Variants in DENND1A observed in about 807,000 individuals in gnomAD.
DENND1A encodes the protein DENN domain containing 1A, also known as DENN domain-containing protein 1A.
Under a neutral mutation model 113.7 loss-of-function variants are expected in DENND1A, and 51 were observed. The observed-to-expected ratio is 0.45, with a 90% CI of 0.36 to 0.57. The LOEUF (loss-of-function observed/expected upper bound fraction) is 0.57, where lower values mean the gene tolerates loss of function less well. Among genes scored for constraint, DENND1A ranks in the 20% least tolerant of loss-of-function variants. The pLI, the probability that DENND1A is intolerant of heterozygous loss-of-function variation, is 0.00. For synonymous variants in DENND1A, 565 were observed against 570.8 expected, an observed-to-expected ratio of 0.99 and a Z score of 0.14; for missense variants, 1,258 against 1,395.9, an observed-to-expected ratio of 0.90 and a Z score of 1.57.
At chr9:123,928,277 A>C (rs565760314) in intron 1 of DENND1A, among the ~76,000 whole-genome samples, 125 of 152,336 alleles carry the variant, frequency 8.2e-4, no homozygotes, top group African/African-American at 2.9e-3. Flanking sequence ...ACTGGTTCTG[A>C]CACTCACTGC....
At chr9:123,412,430 C>T (rs2044379929) in intron 19 of DENND1A, among the ~76,000 whole-genome samples, 1 of 152,220 alleles carries the variant, frequency 6.6e-6, no homozygotes, top group Admixed American at 6.5e-5. Context: ...CTATGTGGGA[C>T]TCAGCGTGGG....
At chr9:123,482,526 C>A (rs559699647) in intron 13 of DENND1A, among the ~76,000 whole-genome samples, 11 of 152,214 alleles carry the variant, frequency 7.2e-5, no homozygotes, top group Non-Finnish European at 1.5e-4. Flanking sequence ...GGAAGCCTTT[C>A]CCAAATTTGT....
chr9:123,495,809 A>G (rs2051860415), intron 13 of DENND1A, among the ~76,000 whole-genome samples: 1 of 152,094 alleles, frequency 6.6e-6, no homozygotes. Context: ...TTAAAGCACT[A>G]TTTTCCTATT....
chr9:123,710,861 C>T (rs1260461509), intron 5 of DENND1A, among the ~76,000 whole-genome samples: 4 of 151,704 alleles, frequency 2.6e-5, no homozygotes, highest in Non-Finnish European at 5.9e-5. Context: ...TTAGTAGAGA[C>T]AGGGTTTCAC....
intron 1 of DENND1A, among the ~76,000 whole-genome samples, chr9:123,909,819 G>A (rs1853637855): frequency 1.3e-5 from 2 of 152,026 alleles, no homozygotes; most frequent in Admixed American, 1.3e-4. Flanking sequence ...TTAGAATTAA[G>A]TACATTTAGC....
At chr9:123,430,770 T>C (rs751257338) in intron 19 of DENND1A, among the ~76,000 whole-genome samples, 1 of 152,188 alleles carries the variant, frequency 6.6e-6, no homozygotes, top group Non-Finnish European at 1.5e-5. Flanking sequence ...CAAACCACCA[T>C]GGCACATGTT....
intron 19 of DENND1A, among the ~76,000 whole-genome samples, chr9:123,436,216 G>A (rs1003891541): frequency 7.2e-5 from 11 of 152,192 alleles, no homozygotes; most frequent in African/African-American, 2.7e-4. Context: ...GCCTTCCCGG[G>A]GAGTCTGGGA....
At chr9:123,502,528 T>C (rs2052580852) in intron 13 of DENND1A, among the ~76,000 whole-genome samples, 1 of 152,216 alleles carries the variant, frequency 6.6e-6, no homozygotes, top group Non-Finnish European at 1.5e-5. Flanking sequence ...TTGAATCAGT[T>C]GTTTGTTCTT....
intron 2 of DENND1A, among the ~76,000 whole-genome samples, chr9:123,795,500 C>G (rs1347969708): frequency 6.6e-6 from 1 of 152,200 alleles, no homozygotes; most frequent in African/African-American, 2.4e-5. Context: ...CAAAACCTAG[C>G]ACCCTGCAGT....
chr9:123,896,587 T>C (rs1850796254), intron 1 of DENND1A, among the ~76,000 whole-genome samples: 1 of 152,080 alleles, frequency 6.6e-6, no homozygotes, highest in African/African-American at 2.4e-5. Context: ...CTTCAGGTAT[T>C]AGAATTATGG....
chr9:123,897,774 C>T (rs1383334238), intron 1 of DENND1A, among the ~76,000 whole-genome samples: 1 of 151,880 alleles, frequency 6.6e-6, no homozygotes, highest in Non-Finnish European at 1.5e-5. Flanking sequence ...TCAAGACCAG[C>T]CTGGGGAGCA....
chr9:123,536,960 A>G (rs538518413), intron 13 of DENND1A, among the ~76,000 whole-genome samples: 4 of 152,316 alleles, frequency 2.6e-5, no homozygotes, highest in African/African-American at 7.2e-5. Context: ...ATGAACAACA[A>G]CAACAAAACA....
chr9:123,793,021 T>A (rs1026074067), intron 2 of DENND1A, among the ~76,000 whole-genome samples: 2 of 152,188 alleles, frequency 1.3e-5, no homozygotes, highest in Admixed American at 6.5e-5. Flanking sequence ...CCTTAAGCAC[T>A]GGTTTCAGAC....
rs183078845 is a variant in DENND1A, at chr9:123,410,106, A to C, written c.1542+1670T>G. ...GACTCCATCTCAAAACAAACAAACA[A>C]ACAAAAAAAAACTCTTACTGTGTGT... On this transcript the variant is annotated intron_variant, in intron 20 of 23. Transcript: ENST00000394215. Among the ~76,000 whole-genome samples, 452 of 152,190 alleles carry C rather than the reference A, an allele frequency of 3.0e-3. 2 individuals are homozygous for C. Among genetic ancestry groups the C allele is most frequent in the African/African-American group, 0.01 (435 of 41,532 alleles).
Position 123,842,323 on chromosome 9 carries a change from A to C in DENND1A, c.88+36628T>G, listed in dbSNP as rs1045540460. Among the ~76,000 whole-genome samples the C allele has an allele frequency of 1.1e-4, 17 of 152,236 alleles. 1 individual carries two copies. The highest frequency in any genetic ancestry group is 2.5e-4 in the Non-Finnish European group (17 of 68,036). On this transcript the variant is annotated intron_variant, in intron 2 of 23. Coordinates refer to ENST00000394215, the MANE Select transcript of DENND1A (RefSeq NM_001352964.2). ...GAAACAGCATCTGAAAATGACAATT[A>C]CTTTGCAGTGGCTGCAAGTACAATG...
intron 18 of DENND1A, among the ~76,000 whole-genome samples, chr9:123,449,481 G>A (rs2047545695): frequency 6.7e-6 from 1 of 150,366 alleles, no homozygotes; most frequent in Admixed American, 6.6e-5. Context: ...GTTGCAGTGA[G>A]CCGAGATCGC....
At chr9:123,870,115 C>T (rs979016635) in intron 2 of DENND1A, among the ~76,000 whole-genome samples, 4 of 151,924 alleles carry the variant, frequency 2.6e-5, no homozygotes, top group South Asian at 4.1e-4. Flanking sequence ...CTGAAGTAAT[C>T]GTGCTGACTT....
chr9:123,666,900 TG>T (rs1281468078), intron 8 of DENND1A, 125 bp downstream of exon 8: 7 of 900,258 alleles, frequency 7.8e-6, no homozygotes, highest in South Asian at 6.7e-5. Context: ...GTTTTTATAA[TG>T]TGTTTTTTAA....
chr9:123,387,485 C>T (rs1009632929), intron 22 of DENND1A, among the ~76,000 whole-genome samples: 3 of 152,218 alleles, frequency 2.0e-5, no homozygotes, highest in Non-Finnish European at 4.4e-5. Flanking sequence ...GACCAATGCT[C>T]GCGTATCACC....
Sources: gnomAD v4.1 joint callset for allele counts (sites outside exome capture counted in the v4.1 genomes callset) on GRCh38, gnomAD v4.1.1 for gene constraint, MANE v1.5 for transcripts, NCBI Gene and HGNC (gene_info 2026-07-23, HGNC 2026-07-21) for gene names.